JPH1: variants seen among roughly 807,000 people sequenced by gnomAD.
JPH1 encodes junctophilin 1, also known as junctophilin-1.
A neutral mutation model predicts 53.6 loss-of-function variants in JPH1; 12 were observed. The observed-to-expected ratio is 0.22, with a 90% confidence interval of 0.14 to 0.36. The LOEUF (loss-of-function observed/expected upper bound fraction) is 0.36. JPH1 is among the 10% of genes least tolerant of loss of function. The pLI, the probability that JPH1 is intolerant of heterozygous loss-of-function variation, is 1.00. For missense variants in JPH1, 808 were observed against 905.5 expected, an observed-to-expected ratio of 0.89 and a Z score of 1.38; for synonymous variants, 375 against 363.8, an observed-to-expected ratio of 1.03 and a Z score of -0.35.
intron 2 of JPH1, among the ~76,000 whole-genome samples, chr8:74,304,723 A>G (rs1205713885): frequency 6.6e-6 from 1 of 152,256 alleles, no homozygotes; most frequent in African/African-American, 2.4e-5. Flanking sequence ...AAAAGTCACC[A>G]AAATTTTTAC....
chr8:74,235,776 C>A lies in JPH1; in HGVS notation c.*1275G>T, dbSNP rs1194678461. On this transcript the variant is annotated 3_prime_UTR_variant, in exon 6 of 6. Transcript: ENST00000342232. ...AGACACATATTTAAAATAAAAATGT[C>A]TAAGCCTTTAAAATGTGAAATGAAA... The A allele has an allele frequency of 6.6e-6, 1 of 152,476 alleles. No homozygotes were observed. The highest frequency in any genetic ancestry group is 1.5e-5 in the Non-Finnish European group (1 of 68,020). 9.4% of individuals were successfully genotyped at this position (152,476 alleles called of 1,614,324 possible).
intron 3 of JPH1, among the ~76,000 whole-genome samples, chr8:74,252,703 T>C (rs573875866): frequency 6.6e-6 from 1 of 152,156 alleles, no homozygotes; most frequent in Admixed American, 6.5e-5. Context: ...GAGGAAGATC[T>C]ACCAAGCAAA....
intron 3 of JPH1, among the ~76,000 whole-genome samples, chr8:74,246,139 C>T (rs1279836664): frequency 6.6e-6 from 1 of 152,278 alleles, no homozygotes; most frequent in East Asian, 1.9e-4. Flanking sequence ...CCATCTGCCA[C>T]TTTTCGCCTC....
chr8:74,239,489 T>C (rs1230103192), intron 4 of JPH1, among the ~76,000 whole-genome samples: 1 of 152,208 alleles, frequency 6.6e-6, no homozygotes. Flanking sequence ...TCTTTTAGAA[T>C]AGTTGTAATT....
At chr8:74,267,569 A>G (rs1249401291) in intron 2 of JPH1, among the ~76,000 whole-genome samples, 4 of 152,150 alleles carry the variant, frequency 2.6e-5, no homozygotes, top group Admixed American at 6.5e-5. Context: ...TGAATTTGAT[A>G]AGAACCTTTC....
At chr8:74,245,847 C>G (rs575617618) in intron 3 of JPH1, among the ~76,000 whole-genome samples, 1 of 139,286 alleles carries the variant, frequency 7.2e-6, no homozygotes, top group East Asian at 2.1e-4. Context: ...AATCTTGTTA[C>G]TTTTTTATAA....
intron 3 of JPH1, among the ~76,000 whole-genome samples, chr8:74,250,920 ATACTACCAG>A (rs1465240626): frequency 6.6e-6 from 1 of 152,202 alleles, no homozygotes; most frequent in African/African-American, 2.4e-5. Flanking sequence ...ACTCATGCTG[ATACTACCAG>A]TACATGCTCT....
intron 2 of JPH1, among the ~76,000 whole-genome samples, chr8:74,260,508 T>C (rs1167860119): frequency 6.6e-6 from 1 of 152,216 alleles, no homozygotes; most frequent in Non-Finnish European, 1.5e-5. Flanking sequence ...AATTTTCTAT[T>C]ATATTTTATT....
chr8:74,264,091 C>G (rs537416228), intron 2 of JPH1, among the ~76,000 whole-genome samples: 83 of 152,304 alleles, frequency 5.4e-4, no homozygotes, highest in African/African-American at 1.9e-3. Flanking sequence ...CTGCAAGGCT[C>G]AGCACAGGTA....
chr8:74,261,708 A>G (rs1316335258), intron 2 of JPH1, among the ~76,000 whole-genome samples: 4 of 152,142 alleles, frequency 2.6e-5, no homozygotes, highest in Non-Finnish European at 5.9e-5. Context: ...TTTCCCCCAA[A>G]TGATTTTCCA....
chr8:74,237,624 C>T (rs572377989), intron 4 of JPH1, among the ~76,000 whole-genome samples: 8 of 152,294 alleles, frequency 5.3e-5, no homozygotes, highest in East Asian at 1.9e-4. Flanking sequence ...GGCCTACGAA[C>T]GGCTGGGAGT....
At chr8:74,247,988 A>G (rs530553547) in intron 3 of JPH1, among the ~76,000 whole-genome samples, 4 of 152,300 alleles carry the variant, frequency 2.6e-5, no homozygotes, top group Admixed American at 6.5e-5. Flanking sequence ...ATTTGTATTA[A>G]TGAACTTATG....
rs192624759 is a variant in JPH1 at position 74,317,982 on chromosome 8, T to C, written c.380-2362A>G. On this transcript the variant is annotated intron_variant, in intron 1 of 5. Transcript: ENST00000342232. ...GACAAGAGCATTGGCCACATTCCTC[T>C]CCTATTTTGTTAAATCACAGTATAT... 5.3e-3 allele frequency among the ~76,000 whole-genome samples: 809 copies of C among 152,300 alleles called. 6 individuals are homozygous for C. The highest frequency in any genetic ancestry group is 8.4e-3 in the Non-Finnish European group (571 of 68,008).
intron 4 of JPH1, among the ~76,000 whole-genome samples, chr8:74,240,048 C>A (rs553377483): frequency 6.6e-6 from 1 of 152,018 alleles, no homozygotes; most frequent in Non-Finnish European, 1.5e-5. Flanking sequence ...CTTGGCTCAC[C>A]GTAACCTCTG....
intron 3 of JPH1, among the ~76,000 whole-genome samples, chr8:74,252,601 A>T (rs1034361189): frequency 6.6e-6 from 1 of 152,136 alleles, no homozygotes; most frequent in Admixed American, 6.5e-5. Flanking sequence ...CAGACTGGCA[A>T]ATTGGATAAA....
At chr8:74,249,817 C>A (rs1348404710) in intron 3 of JPH1, among the ~76,000 whole-genome samples, 1 of 152,116 alleles carries the variant, frequency 6.6e-6, no homozygotes, top group Non-Finnish European at 1.5e-5. Context: ...CTAATTCATA[C>A]CAGAAATGCA....
At chr8:74,317,484 G>T (rs908077798) in intron 1 of JPH1, among the ~76,000 whole-genome samples, 2 of 152,126 alleles carry the variant, frequency 1.3e-5, no homozygotes, top group Admixed American at 1.3e-4. Flanking sequence ...TCCAAATACC[G>T]CCATCTTAAC....
At chr8:74,290,186 A>T (rs1025415694) in intron 2 of JPH1, among the ~76,000 whole-genome samples, 4 of 152,178 alleles carry the variant, frequency 2.6e-5, no homozygotes, top group Non-Finnish European at 4.4e-5. Context: ...GGAAAAGAGG[A>T]AGTCAAATTA....
At chr8:74,270,880 C>G (rs559818776) in intron 2 of JPH1, among the ~76,000 whole-genome samples, 3 of 152,120 alleles carry the variant, frequency 2.0e-5, no homozygotes, top group Non-Finnish European at 4.4e-5. Context: ...CCTTTATTAT[C>G]TCTGTGGTGG....
Sources: allele counts gnomAD v4.1 joint callset (sites outside exome capture counted in the v4.1 genomes callset), GRCh38; gene constraint gnomAD v4.1.1; transcripts MANE v1.5; gene names NCBI Gene and HGNC (gene_info 2026-07-23, HGNC 2026-07-21).